Variants in TSPAN9 observed in about 807,000 individuals in gnomAD.
The protein encoded by TSPAN9 is tetraspanin-9.
TSPAN9 carries 16 observed loss-of-function variants against 31.0 expected under a neutral mutation model. The observed-to-expected ratio is 0.52, with a 90% CI of 0.35 to 0.78. The LOEUF is 0.78. Ranked by LOEUF, TSPAN9 falls within the 30% of genes least tolerant of loss-of-function variation. The pLI is 0.01. For synonymous variants in TSPAN9, 145 were observed against 121.6 expected (o/e 1.19, Z -1.27); for missense variants, 272 against 312.5 (o/e 0.87, Z 0.98).
rs146004800 is a variant in TSPAN9, at chr12:3,190,886, C to G, written c.-17-10291C>G. Among the ~76,000 whole-genome samples the G allele has an allele frequency of 5.8e-3, 888 of 152,320 alleles. 3 individuals carry two copies. The highest frequency in any genetic ancestry group is 0.02 in the African/African-American group (830 of 41,572). ...AGAGCACCAGTGTGCTAGACAAATG[C>G]CAAGTGCTTAGAAGACAAAGAGGAG... is the stretch of plus-strand genomic sequence containing the variant. On this transcript the variant is annotated intron_variant, in intron 2 of 8. Transcript: ENST00000011898.
At chr12:3,194,035 C>T (rs1012825114) in intron 2 of TSPAN9, among the ~76,000 whole-genome samples, 1 of 152,198 alleles carries the variant, frequency 6.6e-6, no homozygotes, top group African/African-American at 2.4e-5. Context: ...GGCTTGGGCC[C>T]CATCCTTTAG....
intron 3 of TSPAN9, among the ~76,000 whole-genome samples, chr12:3,249,570 C>G (rs756568140): frequency 1.2e-4 from 18 of 152,372 alleles, no homozygotes; most frequent in Middle Eastern, 3.4e-3. Flanking sequence ...CCATGCCCGA[C>G]GTTCCTGAGG....
intron 1 of TSPAN9, among the ~76,000 whole-genome samples, chr12:3,078,596 T>A (rs1326906762): frequency 3.3e-5 from 5 of 152,182 alleles, no homozygotes; most frequent in Non-Finnish European, 5.9e-5. Context: ...AGCTAAGGAA[T>A]GCAGCCAGAG....
intron 2 of TSPAN9, among the ~76,000 whole-genome samples, chr12:3,128,998 A>C (rs894555419): frequency 6.6e-6 from 1 of 152,094 alleles, no homozygotes; most frequent in African/African-American, 2.4e-5. Flanking sequence ...CAGGTACCTC[A>C]TGTAAGTGGA....
intron 3 of TSPAN9, among the ~76,000 whole-genome samples, chr12:3,224,086 A>AC (rs986244458): frequency 6.6e-6 from 1 of 151,870 alleles, no homozygotes; most frequent in Non-Finnish European, 1.5e-5. Context: ...TAGTAAAAAA[A>AC]AAAATTTTTT....
chr12:3,275,237 G>GC (rs148208485), intron 3 of TSPAN9, among the ~76,000 whole-genome samples: 1 of 152,136 alleles, frequency 6.6e-6, no homozygotes, highest in Non-Finnish European at 1.5e-5. Context: ...CTCGGAAGGG[G>GC]CCCCCCGCTG....
chr12:3,168,718 T>G lies in TSPAN9; in HGVS notation c.-17-32459T>G, dbSNP rs1490803750. Among the ~76,000 whole-genome samples, 1 of 152,146 alleles carries G rather than the reference T, an allele frequency of 6.6e-6. No homozygotes were observed. Among genetic ancestry groups the G allele is most frequent in the Non-Finnish European group, 1.5e-5 (1 of 68,030 alleles). ...TGGAGAGGATTTGATAAATCTTAAT[T>G]CTCTTCCCAGACCAGGTCCTGTCTC... On this transcript the variant is annotated intron_variant, in intron 2 of 8. Transcript: ENST00000011898. The surrounding 1 kb of genome is among the most constrained non-coding windows in gnomAD (Gnocchi z 4.0).
At chr12:3,084,172 C>T (rs2098299264) in intron 2 of TSPAN9, 1 of 152,588 alleles carries the variant, frequency 6.6e-6, no homozygotes, top group Non-Finnish European at 1.5e-5. Context: ...ACCAGGACCC[C>T]TACGGGGCCC....
Position 3,193,359 on chromosome 12 carries a change from T to C in TSPAN9, c.-17-7818T>C, listed in dbSNP as rs1393850301. ...ACACCACCTGCCTGGCTCCTCATGG[T>C]CCAGAAGCCACATTTTCAGTACTCC... On this transcript the variant is annotated intron_variant, in intron 2 of 8. Transcript: ENST00000011898. Among the ~76,000 whole-genome samples the C allele has an allele frequency of 5.3e-5, 8 of 152,190 alleles. No individual in the cohort carries two copies. In the East Asian group the frequency reaches 9.6e-4, roughly 18 times the overall value.
intron 2 of TSPAN9, among the ~76,000 whole-genome samples, chr12:3,185,885 C>A (rs899927426): frequency 6.6e-6 from 1 of 152,146 alleles, no homozygotes; most frequent in Non-Finnish European, 1.5e-5. Flanking sequence ...TTTCCTAGAC[C>A]TTTGAATAAA....
At chr12:3,180,230 T>C (rs992675309) in intron 2 of TSPAN9, among the ~76,000 whole-genome samples, 1 of 152,206 alleles carries the variant, frequency 6.6e-6, no homozygotes, top group Admixed American at 6.5e-5. Context: ...AAAAATACTC[T>C]TCTGGGCTCG....
intron 2 of TSPAN9, among the ~76,000 whole-genome samples, chr12:3,085,271 C>A (rs372812456): frequency 6.6e-6 from 1 of 151,588 alleles, no homozygotes; most frequent in African/African-American, 2.4e-5. Flanking sequence ...TCCTGCTGTG[C>A]GGCATGTCCC....
At chr12:3,105,879 C>T (rs1019203041) in intron 2 of TSPAN9, among the ~76,000 whole-genome samples, 2 of 151,928 alleles carry the variant, frequency 1.3e-5, no homozygotes, top group African/African-American at 4.8e-5. Flanking sequence ...CTCACACACA[C>T]ATGCACACAT....
chr12:3,142,212 C>A (rs1316183590), intron 2 of TSPAN9, among the ~76,000 whole-genome samples: 1 of 152,146 alleles, frequency 6.6e-6, no homozygotes, highest in African/African-American at 2.4e-5. Context: ...CCAGGGAGCC[C>A]GCTGCCTGCT....
intron 3 of TSPAN9, among the ~76,000 whole-genome samples, chr12:3,261,242 G>A (rs184740806): frequency 2.8e-4 from 42 of 152,326 alleles, no homozygotes; most frequent in Admixed American, 2.7e-3. Flanking sequence ...TACTGACTCC[G>A]CATTAGGCTG....
chr12:3,123,296 C>A (rs1482807468), intron 2 of TSPAN9, among the ~76,000 whole-genome samples: 1 of 152,192 alleles, frequency 6.6e-6, no homozygotes, highest in Non-Finnish European at 1.5e-5. Flanking sequence ...TGCCCTAGAG[C>A]CCTGTCCCAG....
chr12:3,203,249 T>A (rs931433229), intron 3 of TSPAN9, among the ~76,000 whole-genome samples: 2 of 152,168 alleles, frequency 1.3e-5, no homozygotes, highest in Non-Finnish European at 2.9e-5. Context: ...CCTCACTGGC[T>A]AGTACAGTGA....
At chr12:3,145,970 C>T (rs1021136070) in intron 2 of TSPAN9, among the ~76,000 whole-genome samples, 18 of 152,284 alleles carry the variant, frequency 1.2e-4, no homozygotes, top group African/African-American at 3.4e-4. Flanking sequence ...CTTGGCCTTG[C>T]GAGCGAGCCA....
chr12:3,282,876 C>T (rs1862924331), intron 8 of TSPAN9, among the ~76,000 whole-genome samples, 169 bp from the exon 9 acceptor site: 2 of 152,324 alleles, frequency 1.3e-5, no homozygotes, highest in African/African-American at 4.8e-5. Flanking sequence ...TCCAGGGTGA[C>T]CTCTGTTCAC....
Sources: gnomAD v4.1 joint callset for allele counts (sites outside exome capture counted in the v4.1 genomes callset) on GRCh38, gnomAD v4.1.1 for gene constraint, Gnocchi (gnomAD v3.1) non-coding constraint, MANE v1.5 for transcripts, NCBI Gene and HGNC (gene_info 2026-07-23, HGNC 2026-07-21) for gene names.